TUBGCP3: variants seen among roughly 807,000 people sequenced by gnomAD.
The protein encoded by TUBGCP3 is tubulin gamma complex component 3.
Under a neutral mutation model 123.1 loss-of-function variants are expected in TUBGCP3, and 50 were observed. The ratio of observed to expected loss-of-function variants is 0.41; its 90% CI spans 0.32 to 0.51. The LOEUF is 0.51. Ranked by LOEUF, TUBGCP3 falls within the 20% of genes least tolerant of loss-of-function variation. The pLI, the probability that TUBGCP3 is intolerant of heterozygous loss-of-function variation, is 0.36. For missense variants in TUBGCP3, 882 were observed against 1,127.0 expected, an observed-to-expected ratio of 0.78 and a Z score of 3.11; for synonymous variants, 405 against 413.9, an observed-to-expected ratio of 0.98 and a Z score of 0.26.
intron 1 of TUBGCP3, among the ~76,000 whole-genome samples, chr13:112,581,740 C>G (rs1330091858): frequency 6.6e-6 from 1 of 152,198 alleles, no homozygotes; most frequent in East Asian, 1.9e-4. Context: ...GCCACCGTAC[C>G]CAGCCAGTAA....
chr13:112,486,362 C>T (rs111492458), intron 21 of TUBGCP3, among the ~76,000 whole-genome samples: 8 of 152,316 alleles, frequency 5.3e-5, no homozygotes, highest in African/African-American at 1.7e-4. Context: ...TAGGAATGGG[C>T]GCCCTTTTAC....
At chr13:112,489,267 G>A (rs1879911594) in intron 21 of TUBGCP3, among the ~76,000 whole-genome samples, 1 of 151,870 alleles carries the variant, frequency 6.6e-6, no homozygotes, top group Non-Finnish European at 1.5e-5. Flanking sequence ...ACACAGGGGA[G>A]CACAGGGGCC....
chr13:112,500,271 T>C (rs1880815265), intron 19 of TUBGCP3, among the ~76,000 whole-genome samples: 2 of 152,182 alleles, frequency 1.3e-5, no homozygotes, highest in Non-Finnish European at 2.9e-5. Context: ...AAACTAGGAC[T>C]AGGGCAGAAC....
At chr13:112,489,847 C>G (rs1331350904) in intron 20 of TUBGCP3, 150 bp from the exon 21 acceptor site, 1 of 610,976 alleles carries the variant, frequency 1.6e-6, no homozygotes. Context: ...TTTTCTGATG[C>G]CAGACTGCTC....
chr13:112,594,768 G>A, the TUBGCP3 span, among the ~76,000 whole-genome samples: 8 of 152,114 alleles, frequency 5.3e-5, no homozygotes, highest in Non-Finnish European at 8.8e-5. Flanking sequence ...GTATTTTCAT[G>A]TTTATTCTGT....
At chr13:112,543,011 G>GT (rs1484847365) in intron 11 of TUBGCP3, among the ~76,000 whole-genome samples, 1 of 152,126 alleles carries the variant, frequency 6.6e-6, no homozygotes, top group Non-Finnish European at 1.5e-5. Flanking sequence ...TTAGCTGGGC[G>GT]TAGCAGCGTG....
intron 13 of TUBGCP3, among the ~76,000 whole-genome samples, chr13:112,526,169 TATC>T (rs1251608159): frequency 2.1e-5 from 3 of 145,528 alleles, no homozygotes; most frequent in Middle Eastern, 3.8e-3. Flanking sequence ...TCACCATCAC[TATC>T]ATCACCACCA....
At chr13:112,547,423 G>C (rs1027420139) in intron 10 of TUBGCP3, 197 bp downstream of exon 10, 2 of 927,626 alleles carry the variant, frequency 2.2e-6, no homozygotes, top group East Asian at 6.5e-5. Context: ...CGGCCATTAA[G>C]GACAAAAACG....
At chr13:112,486,386 T>G (rs944580851) in intron 21 of TUBGCP3, among the ~76,000 whole-genome samples, 11 of 152,204 alleles carry the variant, frequency 7.2e-5, no homozygotes, top group African/African-American at 2.7e-4. Flanking sequence ...GACAAATTAG[T>G]GAAGAATACA....
rs758583174 is a variant in TUBGCP3, at chr13:112,547,649, G to T, written c.1139C>A (p.Thr380Asn). ...WTYDPKIRLK[T>N]LAALVDHCQG... is the part of the protein sequence containing the mutation. ...GCAGTGGTCCACTAGGGCCGCAAGGGTCTTCAGTCGTATTTTGGGATCATA... is the reference window on the plus strand; with the variant it reads ...GCAGTGGTCCACTAGGGCCGCAAGGTTCTTCAGTCGTATTTTGGGATCATA... The change falls in exon 10 of 22, where the codon ACC (threonine) becomes AAC (asparagine). Residue 380 changes from threonine (T) to asparagine (N), a missense_variant. Around this residue, in one of 3 missense-constraint regions of TUBGCP3, gnomAD observed 713 missense variants for 874.0 expected, o/e 0.82. Coordinates refer to ENST00000261965, the MANE Select transcript of TUBGCP3 (RefSeq NM_006322.6). 5 of 1,575,816 alleles carry T rather than the reference G, an allele frequency of 3.2e-6. No individual in the cohort carries two copies. The highest frequency in any genetic ancestry group is 1.2e-5 in the South Asian group (1 of 86,412).
chr13:112,547,462 C>A (rs1566567083), intron 10 of TUBGCP3, 158 bp downstream of exon 10: 3 of 1,219,826 alleles, frequency 2.5e-6, no homozygotes, highest in South Asian at 3.0e-5. Flanking sequence ...GCCTGGATGG[C>A]GCACCCTACA....
chr13:112,529,341 A>G (rs1877383595), intron 11 of TUBGCP3, among the ~76,000 whole-genome samples: 1 of 152,264 alleles, frequency 6.6e-6, no homozygotes, highest in Non-Finnish European at 1.5e-5. Flanking sequence ...TAATATCACC[A>G]GAATTAATTA....
intron 1 of TUBGCP3, among the ~76,000 whole-genome samples, chr13:112,575,867 CCA>C (rs1264472143): frequency 2.0e-5 from 3 of 152,196 alleles, no homozygotes; most frequent in African/African-American, 4.8e-5. Flanking sequence ...CCAAGGAGCA[CCA>C]CAGTCACTGG....
chr13:112,504,036 G>A lies in TUBGCP3; in HGVS notation c.2303C>T (p.Ser768Phe). 6.2e-7 allele frequency: 1 copy of A among 1,611,460 alleles called. No individual in the cohort carries two copies. Among genetic ancestry groups the A allele is most frequent in the Non-Finnish European group, 8.5e-7 (1 of 1,178,396 alleles). ...IISRCLLDSDSRALLNQLRAV... is the reference protein window; with the variant it reads ...IISRCLLDSDFRALLNQLRAV... Reference sequence around the variant, plus strand: ...CTAAGCAGGTCGGAGTCTTACCCTGGAGTCACTGTCCAGCAGGCAGCGGGA... The same window carrying A: ...CTAAGCAGGTCGGAGTCTTACCCTGAAGTCACTGTCCAGCAGGCAGCGGGA... Residue 768 changes from serine to phenylalanine, a missense_variant, in exon 19 of 22, where the codon TCC (serine) becomes TTC (phenylalanine). Physicochemically the swap from Ser to Phe is radical, Grantham distance 155 (BLOSUM62 -2). This residue lies in a region of TUBGCP3 where 160 missense variants were observed against 220.3 expected (regional missense o/e 0.73). Transcript: ENST00000261965.
chr13:112,491,675 G>A (rs1229239545), intron 20 of TUBGCP3, among the ~76,000 whole-genome samples: 7 of 152,128 alleles, frequency 4.6e-5, no homozygotes, highest in African/African-American at 7.2e-5. Flanking sequence ...TGTGGAGAAC[G>A]GGGTCTTGCT....
Position 112,517,258 on chromosome 13 carries a change from T to TA in TUBGCP3, c.1951-684dup, listed in dbSNP as rs1876212358. Among the ~76,000 whole-genome samples the TA allele has an allele frequency of 2.0e-5, 3 of 152,312 alleles. No homozygotes were observed. The South Asian group carries it at 6.2e-4, about 32-fold the overall frequency. On this transcript the variant is annotated intron_variant, in intron 16 of 21. Coordinates refer to ENST00000261965, the MANE Select transcript of TUBGCP3 (RefSeq NM_006322.6). Reference sequence around the variant, plus strand: ...GTCTCGAACTCCTGGCCTCGAGTGATAGATTTGCCTTTTTTAAATAAATCT... The same window carrying TA: ...GTCTCGAACTCCTGGCCTCGAGTGATAAGATTTGCCTTTTTTAAATAAATCT...
At chr13:112,544,189 C>T (rs971421162) in intron 11 of TUBGCP3, among the ~76,000 whole-genome samples, 20 of 152,154 alleles carry the variant, frequency 1.3e-4, no homozygotes, top group Admixed American at 1.1e-3. Context: ...CGCAGTGGCT[C>T]ACGCCTGTAA....
intron 20 of TUBGCP3, 83 bp from the exon 21 acceptor site, chr13:112,489,780 G>A (rs960692794): frequency 1.2e-5 from 14 of 1,138,426 alleles, no homozygotes; most frequent in Non-Finnish European, 1.9e-5. Flanking sequence ...GGTATGTGAG[G>A]AGCAGGAGGT....
chr13:112,576,284 G>C (rs955274123), intron 1 of TUBGCP3, among the ~76,000 whole-genome samples: 4 of 152,072 alleles, frequency 2.6e-5, no homozygotes, highest in East Asian at 1.9e-4. Context: ...GAAATCTCTC[G>C]GGGAAAAGCC....
Sources: gnomAD v4.1 joint callset for allele counts (sites outside exome capture counted in the v4.1 genomes callset) on GRCh38, gnomAD v4.1.1 for gene constraint, gnomAD v4.1.1 regional missense constraint, MANE v1.5 for transcripts, NCBI Gene and HGNC (gene_info 2026-07-23, HGNC 2026-07-21) for gene names.